Variants in RCAN3 observed in about 807,000 individuals in gnomAD.
RCAN3 encodes calcipressin-3.
Under a neutral mutation model 21.9 loss-of-function variants are expected in RCAN3, and 19 were observed. The observed-to-expected ratio is 0.87, with a 90% CI of 0.61 to 1.27. RCAN3 has a LOEUF of 1.27. RCAN3 is among the 50% of genes most tolerant of loss of function. The probability of loss-of-function intolerance (pLI) is 0.00; values close to 1 mark genes in which losing one functional copy is unlikely to be tolerated. For synonymous variants in RCAN3, 114 were observed against 112.3 expected, an observed-to-expected ratio of 1.01 and a Z score of -0.09; for missense variants, 240 against 300.1, an observed-to-expected ratio of 0.80 and a Z score of 1.48.
At chr1:24,526,730 A>G (rs1649304724) in intron 2 of RCAN3, among the ~76,000 whole-genome samples, 1 of 152,172 alleles carries the variant, frequency 6.6e-6, no homozygotes, top group African/African-American at 2.4e-5. Flanking sequence ...ATTGTGTTCA[A>G]TGTTAATATT....
chr1:24,504,690 T>C (rs1430965072), intron 1 of RCAN3, among the ~76,000 whole-genome samples: 3 of 152,112 alleles, frequency 2.0e-5, no homozygotes, highest in African/African-American at 7.2e-5. Flanking sequence ...TGTGAAATAA[T>C]GGAAGCTCTA....
Position 24,531,462 on chromosome 1 carries a change from C to T in RCAN3, c.369+71C>T, listed in dbSNP as rs963188729. 36 of 1,178,522 alleles carry T rather than the reference C, an allele frequency of 3.1e-5. 1 individual carries two copies. In the South Asian group the frequency reaches 3.6e-4, roughly 12 times the overall value. 73.0% of individuals were successfully genotyped at this position (1,178,522 alleles called of 1,614,324 possible). On this transcript the variant is annotated intron_variant, in intron 3 of 4. Coordinates refer to ENST00000374395, the MANE Select transcript of RCAN3 (RefSeq NM_013441.4). The stretch of plus-strand genomic sequence containing the variant: ...CCATCCAAAAATATTTTTATTTCAC[C>T]GTTTTCTATATTATTATAGCAGAGG...
At position 24,536,862 on chromosome 1, in the gene RCAN3, A is replaced by C. The variant is rs1386553413; in HGVS notation, c.*1585A>C. ...TTGCCCTCAAATACCCTGAGGTGAT[A>C]AACTGTTCCAGTTGTAGCCAACTAC... On this transcript the variant is annotated 3_prime_UTR_variant, in exon 5 of 5. Transcript: ENST00000374395. 1 of 151,996 alleles carries C rather than the reference A, an allele frequency of 6.6e-6. No homozygotes were observed. Among genetic ancestry groups the C allele is most frequent in the Non-Finnish European group, 1.5e-5 (1 of 68,010 alleles). 9.4% of individuals were successfully genotyped at this position (151,996 alleles called of 1,614,324 possible).
rs557081867 is a variant in RCAN3, at chr1:24,539,968, A to G, written c.*4691A>G. On this transcript the variant is annotated 3_prime_UTR_variant, in exon 5 of 5. Transcript: ENST00000374395. ...GCTTCCTAGCTGGAGCTGTAAGTCC[A>G]TGTTACAGAAACTCACTATTTAAAA... 3.3e-4 allele frequency: 50 copies of G among 152,358 alleles called. No individual in the cohort carries two copies. The highest frequency in any genetic ancestry group is 1.1e-3 in the African/African-American group (46 of 41,590). 9.4% of individuals were successfully genotyped at this position (152,358 alleles called of 1,614,324 possible).
chr1:24,538,387 T>G lies in RCAN3; in HGVS notation c.*3110T>G, dbSNP rs914142642. The G allele has an allele frequency of 4.0e-5, 6 of 151,752 alleles. No individual in the cohort carries two copies. Among genetic ancestry groups the G allele is most frequent in the Non-Finnish European group, 7.4e-5 (5 of 67,948 alleles). 9.4% of individuals were successfully genotyped at this position (151,752 alleles called of 1,614,324 possible). A position where few individuals can be genotyped will look rare whatever the true frequency, so the allele number is the denominator to read the frequency against. On this transcript the variant is annotated 3_prime_UTR_variant, in exon 5 of 5. Coordinates refer to ENST00000374395, the MANE Select transcript of RCAN3 (RefSeq NM_013441.4). ...CATAAAGGTTTAAATAAAATATTTTTTATTTTTTATTTTTATTTATTTATT... is the reference window on the plus strand; with the variant it reads ...CATAAAGGTTTAAATAAAATATTTTGTATTTTTTATTTTTATTTATTTATT...
At chr1:24,534,256 C>T (rs1650034578) in intron 4 of RCAN3, among the ~76,000 whole-genome samples, 1 of 152,064 alleles carries the variant, frequency 6.6e-6, no homozygotes, top group African/African-American at 2.4e-5. Context: ...CAAGGGAGTG[C>T]CTATGCTGCC....
intron 3 of RCAN3, 73 bp from the exon 4 acceptor site, chr1:24,533,010 T>TCAA: frequency 1.4e-6 from 1 of 718,408 alleles, no homozygotes. Context: ...GATGGAACAG[T>TCAA]CAACATAAAG....
chr1:24,533,051 C>A (rs1330830271), intron 3 of RCAN3, 32 bp from the exon 4 acceptor site: 24 of 1,350,524 alleles, frequency 1.8e-5, no homozygotes, highest in Non-Finnish European at 2.3e-5. Context: ...GCCCGGTTTG[C>A]AAACTGGCTT....
intron 1 of RCAN3, among the ~76,000 whole-genome samples, chr1:24,511,756 G>A (rs196401): frequency 0.45 from 68,235 of 152,068 alleles, 15,712 homozygotes; most frequent in East Asian, 0.72. Flanking sequence ...GACTTGCTCA[G>A]TGCAGGGTTG....
Position 24,535,279 on chromosome 1 carries a change from G to T in RCAN3, c.*2G>T. The stretch of plus-strand genomic sequence containing the variant: ...CAGACCTTTGATTGCGCGCTGTGAG[G>T]CCCTTGGTTGTGGTGCGAGGCGGCT... On this transcript the variant is annotated 3_prime_UTR_variant, in exon 5 of 5. Transcript: ENST00000374395. 6.5e-7 allele frequency: 1 copy of T among 1,531,256 alleles called. No homozygotes were observed. Among genetic ancestry groups the T allele is most frequent in the Non-Finnish European group, 8.7e-7 (1 of 1,146,580 alleles). The allele number at this position is 1,531,256 out of a possible 1,614,324, so 94.9% of individuals were successfully genotyped here. A position where few individuals can be genotyped will look rare whatever the true frequency, so the allele number is the denominator to read the frequency against.
chr1:24,533,373 G>T, intron 4 of RCAN3, 119 bp downstream of exon 4: 1 of 752,138 alleles, frequency 1.3e-6, no homozygotes, highest in Non-Finnish European at 1.9e-6. Flanking sequence ...AAACACACCT[G>T]GGTTCAGATT....
Position 24,537,981 on chromosome 1 carries a change from C to T in RCAN3, c.*2704C>T, listed in dbSNP as rs906381582. ...TCATAACCTCTTCATGGGAATCAAA[C>T]TATGTTGAAAATTGTGAGGAAAGAT... On this transcript the variant is annotated 3_prime_UTR_variant, in exon 5 of 5. Transcript: ENST00000374395. 2.0e-5 allele frequency: 3 copies of T among 152,108 alleles called. No homozygotes were observed. Among genetic ancestry groups the T allele is most frequent in the African/African-American group, 7.2e-5 (3 of 41,420 alleles). 9.4% of individuals were successfully genotyped at this position (152,108 alleles called of 1,614,324 possible).
intron 3 of RCAN3, among the ~76,000 whole-genome samples, chr1:24,531,930 G>A (rs959851951): frequency 1.2e-4 from 18 of 152,100 alleles, no homozygotes; most frequent in African/African-American, 4.3e-4. Context: ...GACTCTCTGA[G>A]AAACCAATTT....
Position 24,539,989 on chromosome 1 carries a change from T to G in RCAN3, c.*4712T>G, listed in dbSNP as rs989910090. On this transcript the variant is annotated 3_prime_UTR_variant, in exon 5 of 5. Transcript: ENST00000374395. ...GTCCATGTTACAGAAACTCACTATT[T>G]AAAAAGTTTTAAAAGATTTATGAAC... 1.3e-5 allele frequency: 2 copies of G among 152,236 alleles called. No individual in the cohort carries two copies. Among genetic ancestry groups the G allele is most frequent in the Admixed American group, 1.3e-4 (2 of 15,284 alleles). The allele number at this position is 152,236 out of a possible 1,614,324, so 9.4% of individuals were successfully genotyped here. A position where few individuals can be genotyped will look rare whatever the true frequency, so the allele number is the denominator to read the frequency against.
chr1:24,514,172 T>C, intron 1 of RCAN3, 142 bp from the exon 2 acceptor site: 1 of 425,048 alleles, frequency 2.4e-6, no homozygotes, highest in Non-Finnish European at 4.1e-6. Flanking sequence ...TTACGAGGAC[T>C]GTAATGCATT....
Position 24,535,486 on chromosome 1 carries a change from G to A in RCAN3, c.*209G>A, listed in dbSNP as rs1650167765. The stretch of plus-strand genomic sequence containing the variant: ...AGATTTTAAGTGATATTCCAAAAGG[G>A]ACTTTACATTAAAGGAGAAGCCCCC... On this transcript the variant is annotated 3_prime_UTR_variant, in exon 5 of 5. Coordinates refer to ENST00000374395, the MANE Select transcript of RCAN3 (RefSeq NM_013441.4). The A allele has an allele frequency of 2.3e-6, 1 of 437,002 alleles. No homozygotes were observed. Among genetic ancestry groups the A allele is most frequent in the East Asian group, 3.6e-5 (1 of 27,766 alleles). The allele number at this position is 437,002 out of a possible 1,614,324, so 27.1% of individuals were successfully genotyped here. A position where few individuals can be genotyped will look rare whatever the true frequency, so the allele number is the denominator to read the frequency against.
chr1:24,506,931 A>G (rs1647485027), intron 1 of RCAN3, among the ~76,000 whole-genome samples: 1 of 152,106 alleles, frequency 6.6e-6, no homozygotes. Flanking sequence ...GCCTCCAAAA[A>G]CCCGGGCACA....
intron 1 of RCAN3, among the ~76,000 whole-genome samples, chr1:24,508,726 TA>T (rs1195187173): frequency 2.0e-5 from 3 of 152,212 alleles, no homozygotes; most frequent in Non-Finnish European, 4.4e-5. Flanking sequence ...ATAATTGTAA[TA>T]AAGCCGGTCA....
chr1:24,514,941 C>G (rs570915087), intron 2 of RCAN3, among the ~76,000 whole-genome samples: 2 of 148,146 alleles, frequency 1.4e-5, no homozygotes, highest in Non-Finnish European at 3.0e-5. Flanking sequence ...TGCACTTAAG[C>G]CTGGGGGACA....
Sources: gnomAD v4.1 joint callset for allele counts (sites outside exome capture counted in the v4.1 genomes callset) on GRCh38, gnomAD v4.1.1 for gene constraint, MANE v1.5 for transcripts, NCBI Gene and HGNC (gene_info 2026-07-23, HGNC 2026-07-21) for gene names.